TMEM102: variants seen among roughly 807,000 people sequenced by gnomAD.
The protein encoded by TMEM102 is DANGER family member 2B.
Under a neutral mutation model 26.8 loss-of-function variants are expected in TMEM102, and 28 were observed. That is an observed-to-expected ratio of 1.05 (90% CI 0.77 to 1.43). The LOEUF (loss-of-function observed/expected upper bound fraction) is 1.43. Among genes scored for constraint, TMEM102 ranks in the 40% most tolerant of loss-of-function variants. TMEM102 has a pLI of 0.00. For missense variants in TMEM102, 677 were observed against 705.6 expected (o/e 0.96, Z 0.46); for synonymous variants, 306 against 332.1 (o/e 0.92, Z 0.86).
In TMEM102 at chr17:7,436,207, C is replaced by T. The variant is rs141018399; in HGVS notation, c.228C>T (p.Arg76=). Residue 76 remains arginine, a synonymous_variant, in exon 3 of 3, where the codon CGC becomes CGT. Transcript: ENST00000323206. ...FVFSLLGLVH[R]RDPRFPPQAE... is the part of the protein sequence containing the mutation. ...CCCTTTTTTTAGGTCTAGTTCACCG[C>T]CGGGACCCTCGCTTTCCTCCCCAGG... The T allele has an allele frequency of 4.3e-4, 686 of 1,611,472 alleles. 1 individual carries two copies. Among genetic ancestry groups the T allele is most frequent in the Middle Eastern group, 3.0e-3 (18 of 6,054 alleles).
intron 2 of TMEM102, 47 bp from the exon 3 acceptor site, chr17:7,436,147 C>T (rs1451170091): frequency 1.9e-6 from 3 of 1,602,078 alleles, no homozygotes; most frequent in South Asian, 2.2e-5. Flanking sequence ...CCCCCGCCCC[C>T]GCCCCGGCTT....
At position 7,436,838 on chromosome 17, in the gene TMEM102, G is replaced by C. The variant is rs1908047348; in HGVS notation, c.859G>C (p.Ala287Pro). The stretch of plus-strand genomic sequence containing the variant: ...CGAGTCTCTGATCCCTGTCCCGGGT[G>C]CTCCGCGTCTGGTGCACGCAGCTCG... ...VAESLIPVPG[A>P]PRLVHAARHA... The change falls in exon 3 of 3, where the codon GCT (alanine) becomes CCT (proline). Residue 287 changes from alanine (A) to proline (P), a missense_variant. Ala to Pro is a conservative substitution (Grantham distance 27). Transcript: ENST00000323206. The C allele has an allele frequency of 2.5e-6, 4 of 1,613,046 alleles. No homozygotes were observed. The highest frequency in any genetic ancestry group is 1.7e-6 in the Non-Finnish European group (2 of 1,179,996).
chr17:7,436,985 T>C lies in TMEM102; in HGVS notation c.1006T>C (p.Trp336Arg). Residue 336 changes from tryptophan to arginine, a missense_variant, in exon 3 of 3, where the codon TGG becomes CGG. By Grantham distance (101) the Trp-to-Arg change is moderately radical. Transcript: ENST00000323206. ...GWPEGARSHS[W>R]AGPLASESAS... is the part of the protein sequence containing the mutation. ...GCCCGAGGGGGCTCGGAGCCACTCG[T>C]GGGCCGGTCCGCTGGCCTCTGAGTC... 6.2e-7 allele frequency: 1 copy of C among 1,600,370 alleles called. No homozygotes were observed. Among genetic ancestry groups the C allele is most frequent in the Non-Finnish European group, 8.5e-7 (1 of 1,178,904 alleles).
rs764441549 is a variant in TMEM102, at chr17:7,436,292, C to T, written c.313C>T (p.Pro105Ser). The T allele has an allele frequency of 3.1e-6, 5 of 1,613,780 alleles. No individual in the cohort carries two copies. In the Admixed American group the frequency reaches 8.3e-5, roughly 27 times the overall value. ...REGSLDLGHA[P>S]LGPYARGPHY... ...GGGCTCCCTGGATCTGGGGCATGCA[C>T]CCCTGGGTCCCTACGCCCGGGGACC... Residue 105 changes from proline to serine, a missense_variant, in exon 3 of 3, where the codon CCC becomes TCC. Transcript: ENST00000323206.
At chr17:7,435,789 G>C (rs1907985528) in intron 1 of TMEM102, 64 bp from the exon 2 acceptor site, 1 of 1,333,144 alleles carries the variant, frequency 7.5e-7, no homozygotes, top group East Asian at 2.3e-5. Context: ...TCGGCCTCAG[G>C]AAGAGGGAAG....
chr17:7,437,205 G>A lies in TMEM102; in HGVS notation c.1226G>A (p.Arg409Gln). 6.6e-7 allele frequency: 1 copy of A among 1,506,418 alleles called. No homozygotes were observed. Among genetic ancestry groups the A allele is most frequent in the South Asian group, 1.3e-5 (1 of 79,752 alleles). 93.3% of individuals were successfully genotyped at this position (1,506,418 alleles called of 1,614,324 possible). A position where few individuals can be genotyped will look rare whatever the true frequency, so the allele number is the denominator to read the frequency against. The stretch of plus-strand genomic sequence containing the variant: ...CGGGCGGCGGCGCCCTACCTCCTGC[G>A]GACGCTGCTGTACTGGGCGTGCGAG... ...GTRAAAPYLL[R>Q]TLLYWACERL... Residue 409 changes from arginine (R) to glutamine (Q), a missense_variant, in exon 3 of 3, where the codon CGG becomes CAG. Coordinates refer to ENST00000323206, the MANE Select transcript of TMEM102 (RefSeq NM_178518.3). This position sits in a 1 kb window ranked among gnomAD's most constrained non-coding sequence, Gnocchi z 4.2.
chr17:7,437,418 C>T lies in TMEM102; in HGVS notation c.1439C>T (p.Pro480Leu), dbSNP rs758171248. Residue 480 changes from proline (P) to leucine (L), a missense_variant, in exon 3 of 3, where the codon CCG becomes CTG. Pro to Leu is a moderately conservative substitution (Grantham distance 98, BLOSUM62 -3). Coordinates refer to ENST00000323206, the MANE Select transcript of TMEM102 (RefSeq NM_178518.3). This position sits in a 1 kb window ranked among gnomAD's most constrained non-coding sequence, Gnocchi z 4.2. ...LGELARLRGD[P>L]ARALRAAVEE... Reference sequence around the variant, plus strand: ...GAATTGGCCCGGCTCCGCGGGGACCCGGCCCGGGCCCTCCGTGCCGCGGTG... The same window carrying T: ...GAATTGGCCCGGCTCCGCGGGGACCTGGCCCGGGCCCTCCGTGCCGCGGTG... 2 of 1,497,982 alleles carry T rather than the reference C, an allele frequency of 1.3e-6. No individual in the cohort carries two copies. The highest frequency in any genetic ancestry group is 2.3e-5 in the Admixed American group (1 of 43,908). The allele number at this position is 1,497,982 out of a possible 1,614,324, so 92.8% of individuals were successfully genotyped here. A position where few individuals can be genotyped will look rare whatever the true frequency, so the allele number is the denominator to read the frequency against.
Position 7,436,998 on chromosome 17 carries a change from T to G in TMEM102, c.1019T>G (p.Leu340Arg). ...GARSHSWAGP[L>R]ASESASFYLV... is the part of the protein sequence containing the mutation. ...CGGAGCCACTCGTGGGCCGGTCCGC[T>G]GGCCTCTGAGTCGGCTTCCTTCTAC... The change falls in exon 3 of 3, where the codon CTG becomes CGG. Residue 340 changes from leucine (L) to arginine (R), a missense_variant. Transcript: ENST00000323206. The G allele has an allele frequency of 6.3e-7, 1 of 1,599,430 alleles. No homozygotes were observed. The highest frequency in any genetic ancestry group is 1.3e-5 in the African/African-American group (1 of 75,036).
chr17:7,436,290 C>A lies in TMEM102; in HGVS notation c.311C>A (p.Ala104Glu). The A allele has an allele frequency of 4.3e-6, 7 of 1,613,750 alleles. No homozygotes were observed. Among genetic ancestry groups the A allele is most frequent in the South Asian group, 2.2e-5 (2 of 91,080 alleles). ...IREGSLDLGH[A>E]PLGPYARGPH... is the part of the protein sequence containing the mutation. ...GAGGGCTCCCTGGATCTGGGGCATG[C>A]ACCCCTGGGTCCCTACGCCCGGGGA... Residue 104 changes from alanine (A) to glutamate (E), a missense_variant, in exon 3 of 3, where the codon GCA (alanine) becomes GAA (glutamate). Coordinates refer to ENST00000323206, the MANE Select transcript of TMEM102 (RefSeq NM_178518.3).
At position 7,437,020 on chromosome 17, in the gene TMEM102, C is replaced by G. The variant is rs747616570; in HGVS notation, c.1041C>G (p.Phe347Leu). ...AGPLASESAS[F>L]YLVPGGGTER... ...CGCTGGCCTCTGAGTCGGCTTCCTT[C>G]TACCTGGTGCCCGGTGGCGGCACCG... Residue 347 changes from phenylalanine (F) to leucine (L), a missense_variant, in exon 3 of 3, where the codon TTC becomes TTG. Transcript: ENST00000323206. This position sits in a 1 kb window ranked among gnomAD's most constrained non-coding sequence, Gnocchi z 4.2. 34 of 1,594,538 alleles carry G rather than the reference C, an allele frequency of 2.1e-5. No homozygotes were observed. The highest frequency in any genetic ancestry group is 2.8e-5 in the Non-Finnish European group (33 of 1,177,064).
rs1908001782 is a variant in TMEM102, at chr17:7,436,051, C to T, written c.180C>T (p.Leu60=). 1.2e-6 allele frequency: 2 copies of T among 1,613,798 alleles called. No individual in the cohort carries two copies. Among genetic ancestry groups the T allele is most frequent in the East Asian group, 2.2e-5 (1 of 44,896 alleles). The change falls in exon 2 of 3, where the codon CTC becomes CTT. Residue 60 remains leucine, a synonymous_variant. Transcript: ENST00000323206. ...ACGGGCCCAAGCCGGGAGCCGATCT[C>T]CTCCGGGCCAAGGACTTTGTCTTCT... is the stretch of plus-strand genomic sequence containing the variant. The part of the protein sequence containing the change: ...WSDGPKPGAD[L]LRAKDFVFSL...
chr17:7,436,570 C>G lies in TMEM102; in HGVS notation c.591C>G (p.Val197=). Residue 197 remains valine (V), a synonymous_variant, in exon 3 of 3, where the codon GTC becomes GTG. Coordinates refer to ENST00000323206, the MANE Select transcript of TMEM102 (RefSeq NM_178518.3). The part of the protein sequence containing the change: ...QSSVDQPHSY[V]TEHEAPVSLE... Reference sequence around the variant, plus strand: ...CTGTAGACCAGCCGCACAGCTACGTCACTGAGCACGAGGCGCCGGTGTCTT... The same window carrying G: ...CTGTAGACCAGCCGCACAGCTACGTGACTGAGCACGAGGCGCCGGTGTCTT... 6.2e-7 allele frequency: 1 copy of G among 1,614,054 alleles called. No homozygotes were observed. Among genetic ancestry groups the G allele is most frequent in the Non-Finnish European group, 8.5e-7 (1 of 1,179,996 alleles).
At position 7,436,841 on chromosome 17, in the gene TMEM102, C is replaced by A; in HGVS notation, c.862C>A (p.Pro288Thr). 1 of 1,613,006 alleles carries A rather than the reference C, an allele frequency of 6.2e-7. No individual in the cohort carries two copies. Among genetic ancestry groups the A allele is most frequent in the Non-Finnish European group, 8.5e-7 (1 of 1,180,000 alleles). The change falls in exon 3 of 3, where the codon CCG (proline) becomes ACG (threonine). Residue 288 changes from proline to threonine, a missense_variant. By Grantham distance (38) the Pro-to-Thr change is conservative (BLOSUM62 -1). Coordinates refer to ENST00000323206, the MANE Select transcript of TMEM102 (RefSeq NM_178518.3). ...AESLIPVPGA[P>T]RLVHAARHAG... ...GTCTCTGATCCCTGTCCCGGGTGCT[C>A]CGCGTCTGGTGCACGCAGCTCGCCA...
chr17:7,435,813 T>G, intron 1 of TMEM102, 40 bp from the exon 2 acceptor site: 2 of 1,487,846 alleles, frequency 1.3e-6, no homozygotes, highest in Non-Finnish European at 1.8e-6. Context: ...GGGGACGACT[T>G]TGTGGCAGCA....
chr17:7,436,960 G>A lies in TMEM102; in HGVS notation c.981G>A (p.Trp327Ter). Reference protein sequence around the residue: ...DLIPVVSVAGWPEGARSHSWA... With the variant: ...DLIPVVSVAG Reference sequence around the variant, plus strand: ...TCCCAGTGGTGTCCGTGGCGGGCTGGCCCGAGGGGGCTCGGAGCCACTCGT... The same window carrying A: ...TCCCAGTGGTGTCCGTGGCGGGCTGACCCGAGGGGGCTCGGAGCCACTCGT... Residue 327 changes from tryptophan to a stop codon, truncating the protein, a stop_gained, in exon 3 of 3, where the codon TGG becomes TGA. Coordinates refer to ENST00000323206, the MANE Select transcript of TMEM102 (RefSeq NM_178518.3). LOFTEE classifies it high-confidence loss of function. The A allele has an allele frequency of 6.2e-7, 1 of 1,601,288 alleles. No individual in the cohort carries two copies.
In TMEM102 at chr17:7,437,048, C is replaced by A. The variant is rs1176686077; in HGVS notation, c.1069C>A (p.Arg357=). The A allele has an allele frequency of 6.4e-7, 1 of 1,570,164 alleles. No individual in the cohort carries two copies. Among genetic ancestry groups the A allele is most frequent in the Non-Finnish European group, 8.6e-7 (1 of 1,165,680 alleles). The part of the protein sequence containing the change: ...FYLVPGGGTE[R]PCASAWQLCF... Reference sequence around the variant, plus strand: ...CCTGGTGCCCGGTGGCGGCACCGAGCGGCCGTGCGCCTCCGCCTGGCAGCT... The same window carrying A: ...CCTGGTGCCCGGTGGCGGCACCGAGAGGCCGTGCGCCTCCGCCTGGCAGCT... The change falls in exon 3 of 3, where the codon CGG becomes AGG. Residue 357 remains arginine, a synonymous_variant. Coordinates refer to ENST00000323206, the MANE Select transcript of TMEM102 (RefSeq NM_178518.3). The surrounding 1 kb of genome is among the most constrained non-coding windows in gnomAD (Gnocchi z 4.2).
Position 7,437,419 on chromosome 17 carries a change from G to T in TMEM102, c.1440G>T (p.Pro480=). The T allele has an allele frequency of 6.7e-7, 1 of 1,498,680 alleles. No homozygotes were observed. Among genetic ancestry groups the T allele is most frequent in the African/African-American group, 1.4e-5 (1 of 69,014 alleles). The allele number at this position is 1,498,680 out of a possible 1,614,324, so 92.8% of individuals were successfully genotyped here. A position where few individuals can be genotyped will look rare whatever the true frequency, so the allele number is the denominator to read the frequency against. Residue 480 remains proline, a synonymous_variant, in exon 3 of 3, where the codon CCG becomes CCT. Transcript: ENST00000323206. This position sits in a 1 kb window ranked among gnomAD's most constrained non-coding sequence, Gnocchi z 4.2. ...LGELARLRGD[P]ARALRAAVEE... ...AATTGGCCCGGCTCCGCGGGGACCC[G>T]GCCCGGGCCCTCCGTGCCGCGGTGG...
Position 7,436,897 on chromosome 17 carries a change from C to G in TMEM102, c.918C>G (p.Thr306=). 1 of 1,609,820 alleles carries G rather than the reference C, an allele frequency of 6.2e-7. No homozygotes were observed. Among genetic ancestry groups the G allele is most frequent in the Non-Finnish European group, 8.5e-7 (1 of 1,179,766 alleles). The part of the protein sequence containing the change: ...HAGFTTVLLA[T]PEPPRRLLLF... ...GTTTCACCACCGTCCTCCTGGCTAC[C>G]CCTGAGCCCCCTCGCCGCCTCCTGC... The change falls in exon 3 of 3, where the codon ACC becomes ACG. Residue 306 remains threonine (T), a synonymous_variant. Transcript: ENST00000323206.
At position 7,437,452 on chromosome 17, in the gene TMEM102, CA is replaced by C. The variant is rs1367703417; in HGVS notation, c.1476del (p.Val493TrpfsTer51). 3.4e-5 allele frequency: 48 copies of C among 1,431,480 alleles called. No individual in the cohort carries two copies. Among genetic ancestry groups the C allele is most frequent in the Non-Finnish European group, 4.3e-5 (47 of 1,092,274 alleles). 88.7% of individuals were successfully genotyped at this position (1,431,480 alleles called of 1,614,324 possible). A position where few individuals can be genotyped will look rare whatever the true frequency, so the allele number is the denominator to read the frequency against. On this transcript the variant is annotated frameshift_variant, in exon 3 of 3. Transcript: ENST00000323206. LOFTEE classifies it high-confidence loss of function. The surrounding 1 kb of genome is among the most constrained non-coding windows in gnomAD (Gnocchi z 4.2). Reference protein sequence around the residue: ...RALRAAVEEAKVARKGGGLAG... With the variant: ...RALRAAVEEAXVARKGGGLAG... The stretch of plus-strand genomic sequence containing the variant: ...CCCTCCGTGCCGCGGTGGAGGAGGC[CA>C]AAGTGGCCCGCAAGGGGGGCGGTTT...
Sources: allele counts gnomAD v4.1 joint callset, GRCh38; gene constraint gnomAD v4.1.1; non-coding constraint Gnocchi (gnomAD v3.1); transcripts MANE v1.5; gene names NCBI Gene and HGNC (gene_info 2026-07-23, HGNC 2026-07-21).